SHROOM2: variants seen among roughly 807,000 people sequenced by gnomAD.
SHROOM2 encodes the protein shroom family member 2.
A neutral mutation model predicts 75.9 loss-of-function variants in SHROOM2; 33 were observed. That is an observed-to-expected ratio of 0.43 (90% CI 0.33 to 0.58). The LOEUF is 0.58. Ranked by LOEUF, SHROOM2 falls within the 20% of genes least tolerant of loss-of-function variation. The pLI is 0.04. For synonymous variants in SHROOM2, 655 were observed against 663.6 expected, an observed-to-expected ratio of 0.99 and a Z score of 0.20; for missense variants, 1,434 against 1,461.2, an observed-to-expected ratio of 0.98 and a Z score of 0.30.
Position 9,949,107 on chromosome X carries a change from C to T in SHROOM2, c.*2170C>T. The T allele has an allele frequency of 4.4e-6, 1 of 229,118 alleles. No homozygotes were observed. The highest frequency in any genetic ancestry group is 5.4e-5 in the Admixed American group (1 of 18,351). 18.9% of individuals were successfully genotyped at this position (229,118 alleles called of 1,213,427 possible). On this transcript the variant is annotated 3_prime_UTR_variant, in exon 10 of 10. Coordinates refer to ENST00000380913, the MANE Select transcript of SHROOM2 (RefSeq NM_001649.4). Reference sequence around the variant, plus strand: ...TAGCAAAGCACATAGAGCCAGCTGTCCTGTCAGTTCCCCTGTTTGCCTCTG... The same window carrying T: ...TAGCAAAGCACATAGAGCCAGCTGTTCTGTCAGTTCCCCTGTTTGCCTCTG...
chrX:9,929,627 GC>G (rs1352367051), intron 5 of SHROOM2, among the ~76,000 whole-genome samples: 2 of 110,964 alleles, frequency 1.8e-5, no homozygotes, highest in Non-Finnish European at 3.8e-5. Flanking sequence ...GAGCACTTCT[GC>G]AGAAGGCACT....
intron 1 of SHROOM2, among the ~76,000 whole-genome samples, chrX:9,794,191 CAAT>C (rs1000520467): frequency 1.4e-4 from 16 of 111,488 alleles, no homozygotes; most frequent in African/African-American, 3.9e-4. Flanking sequence ...TGGGGGAGAA[CAAT>C]TGTTCTGAGA....
intron 2 of SHROOM2, among the ~76,000 whole-genome samples, chrX:9,884,370 T>TCTTC (rs1170035256): frequency 3.0e-5 from 3 of 99,319 alleles, no homozygotes; most frequent in Non-Finnish European, 6.0e-5. Flanking sequence ...TTTCTTTTCT[T>TCTTC]TTTTTTTTTT....
intron 5 of SHROOM2, among the ~76,000 whole-genome samples, chrX:9,906,139 G>A (rs1283780180): frequency 8.9e-6 from 1 of 111,854 alleles, no homozygotes; most frequent in Non-Finnish European, 1.9e-5. Flanking sequence ...TTAAAATAAG[G>A]AAACAGATTT....
intron 1 of SHROOM2, among the ~76,000 whole-genome samples, chrX:9,797,205 C>A (rs753832199): frequency 1.8e-5 from 2 of 112,148 alleles, no homozygotes; most frequent in African/African-American, 6.5e-5. Context: ...CGCTTCTACC[C>A]TGGGGAGTGC....
intron 1 of SHROOM2, among the ~76,000 whole-genome samples, chrX:9,872,582 A>G (rs1201686970): frequency 9.0e-6 from 1 of 111,716 alleles, no homozygotes; most frequent in Non-Finnish European, 1.9e-5. Context: ...GAAAAAAGGG[A>G]AAAAAAGCTG....
In SHROOM2 at chrX:9,935,132, C is replaced by G. The variant is rs939203929; in HGVS notation, c.3588-2002C>G. Among the ~76,000 whole-genome samples, 4 of 110,428 alleles carry G rather than the reference C, an allele frequency of 3.6e-5. No homozygotes were observed. The East Asian group carries it at 1.1e-3, about 31-fold the overall frequency. ...TTTGTTTATGTTGTTTAATTTGTTT[C>G]TATTGTGCACATCAAATTTCTGCAC... On this transcript the variant is annotated intron_variant, in intron 6 of 9. Coordinates refer to ENST00000380913, the MANE Select transcript of SHROOM2 (RefSeq NM_001649.4).
chrX:9,911,161 G>A (rs780271231), intron 5 of SHROOM2, among the ~76,000 whole-genome samples: 27 of 111,552 alleles, frequency 2.4e-4, no homozygotes, highest in Non-Finnish European at 4.0e-4. Context: ...GAAAGAACAC[G>A]GGCTTCGGAG....
intron 1 of SHROOM2, among the ~76,000 whole-genome samples, chrX:9,792,026 GAATA>G (rs2083655055): frequency 0.027 from 1 of 37 alleles, no homozygotes; most frequent in Admixed American, 0.2. Context: ...GAATAGAATA[GAATA>G]GAATAGAATA....
rs368121329 is a variant in SHROOM2 at position 9,855,912 on chromosome X, G to T, written c.166-17740G>T. ...CAGAAGGTTGCATACCCGCCAAAGC[G>T]CACTAAAAATCTTCCTAAGTTACTC... On this transcript the variant is annotated intron_variant, in intron 1 of 9. Coordinates refer to ENST00000380913, the MANE Select transcript of SHROOM2 (RefSeq NM_001649.4). 2.1e-4 allele frequency among the ~76,000 whole-genome samples: 23 copies of T among 111,327 alleles called. No homozygotes were observed. The East Asian group carries it at 3.9e-3, about 19-fold the overall frequency.
At chrX:9,897,010 GA>G (rs1413621974) in intron 4 of SHROOM2, among the ~76,000 whole-genome samples, 6 of 112,378 alleles carry the variant, frequency 5.3e-5, no homozygotes, top group Non-Finnish European at 9.4e-5. Context: ...CTTGGAGGGA[GA>G]AACTATGGAA....
At chrX:9,898,755 T>C (rs779705388) in intron 5 of SHROOM2, among the ~76,000 whole-genome samples, 140 of 111,819 alleles carry the variant, frequency 1.3e-3, no homozygotes, top group Non-Finnish European at 1.9e-3. Flanking sequence ...GGGCAGGCCT[T>C]CCTAAATTGG....
intron 1 of SHROOM2, among the ~76,000 whole-genome samples, chrX:9,826,756 A>AGTGTC (rs1347911983): frequency 8.9e-6 from 1 of 112,249 alleles, no homozygotes; most frequent in Non-Finnish European, 1.9e-5. Flanking sequence ...GTCCAGGGCG[A>AGTGTC]CAGAGAGCTA....
chrX:9,792,032 A>G (rs866336523), intron 1 of SHROOM2, among the ~76,000 whole-genome samples: 10 of 195 alleles, frequency 0.051, no homozygotes, highest in African/African-American at 0.14. Context: ...AATAGAATAG[A>G]ATAGAATAGA....
intron 1 of SHROOM2, among the ~76,000 whole-genome samples, chrX:9,867,838 G>A (rs1333352620): frequency 4.5e-5 from 5 of 111,615 alleles, no homozygotes; most frequent in Non-Finnish European, 7.5e-5. Context: ...GGAGTGTGGT[G>A]GGGGAAGGCT....
Position 9,895,614 on chromosome X carries a change from T to C in SHROOM2, c.1706T>C (p.Ile569Thr), listed in dbSNP as rs1569161293. 8.6e-7 allele frequency: 1 copy of C among 1,163,370 alleles called. No individual in the cohort carries two copies. Among genetic ancestry groups the C allele is most frequent in the South Asian group, 1.9e-5 (1 of 52,887 alleles). Residue 569 changes from isoleucine to threonine, a missense_variant, in exon 4 of 10, where the codon ATC (isoleucine) becomes ACC (threonine). Physicochemically the swap from Ile to Thr is moderately conservative, Grantham distance 89. Coordinates refer to ENST00000380913, the MANE Select transcript of SHROOM2 (RefSeq NM_001649.4). ...GCCAGCCAGAGGCTGGCAGCCAGCATCACGTGGGCAGATGGGGAGAGCAGC... is the reference window on the plus strand; with the variant it reads ...GCCAGCCAGAGGCTGGCAGCCAGCACCACGTGGGCAGATGGGGAGAGCAGC... ...EKASQRLAAS[I>T]TWADGESSRI...
chrX:9,862,363 G>A (rs1311880427), intron 1 of SHROOM2, among the ~76,000 whole-genome samples: 6 of 109,555 alleles, frequency 5.5e-5, no homozygotes, highest in Non-Finnish European at 9.5e-5. Flanking sequence ...GCTGAGATTC[G>A]AATCTCGATG....
intron 1 of SHROOM2, among the ~76,000 whole-genome samples, chrX:9,860,707 A>C (rs775441442): frequency 1.8e-5 from 2 of 111,988 alleles, no homozygotes; most frequent in African/African-American, 6.5e-5. Flanking sequence ...TACAGACATG[A>C]GCCACCGTGT....
chrX:9,891,573 AGGAT>A (rs1430011235), intron 3 of SHROOM2, among the ~76,000 whole-genome samples: 5 of 112,281 alleles, frequency 4.5e-5, no homozygotes, highest in Admixed American at 9.4e-5. Context: ...TCCTGTTAAG[AGGAT>A]GGCGGTAACA....
Sources: allele counts gnomAD v4.1 joint callset (sites outside exome capture counted in the v4.1 genomes callset), GRCh38; gene constraint gnomAD v4.1.1; transcripts MANE v1.5; gene names NCBI Gene and HGNC (gene_info 2026-07-23, HGNC 2026-07-21).